CLVS1: variants seen among roughly 807,000 people sequenced by gnomAD.
The protein encoded by CLVS1 is clavesin 1.
In CLVS1, 10 loss-of-function variants were observed where a neutral mutation model predicts 33.1. That is an observed-to-expected ratio of 0.30 (90% CI 0.19 to 0.51). The LOEUF (loss-of-function observed/expected upper bound fraction) is 0.51, where lower values mean the gene tolerates loss of function less well. Among genes scored for constraint, CLVS1 ranks in the 20% least tolerant of loss-of-function variants. The pLI is 0.97. For missense variants in CLVS1, 343 were observed against 433.4 expected (o/e 0.79, Z 1.85); for synonymous variants, 163 against 166.1 (o/e 0.98, Z 0.14).
intron 3 of CLVS1, among the ~76,000 whole-genome samples, chr8:61,401,914 A>G (rs540345936): frequency 5.3e-5 from 8 of 152,238 alleles, no homozygotes; most frequent in African/African-American, 1.4e-4. Context: ...ATGTATTCTC[A>G]TAACATAATG....
At chr8:61,072,794 T>C (rs1804822801) in intron 1 of CLVS1, among the ~76,000 whole-genome samples, 3 of 152,214 alleles carry the variant, frequency 2.0e-5, no homozygotes, top group Admixed American at 2.0e-4. Flanking sequence ...ATATGTTTGC[T>C]AGAGAACAAA....
intron 2 of CLVS1, among the ~76,000 whole-genome samples, chr8:61,140,024 C>T (rs1806277818): frequency 6.6e-6 from 1 of 152,114 alleles, no homozygotes; most frequent in African/African-American, 2.4e-5. Flanking sequence ...AGCCGAGGTG[C>T]GTCTCCGCCA....
chr8:61,029,855 T>C, the CLVS1 span, among the ~76,000 whole-genome samples: 1 of 152,220 alleles, frequency 6.6e-6, no homozygotes, highest in African/African-American at 2.4e-5. Flanking sequence ...TGGGTGGCTT[T>C]AGTTCCTGCT....
At chr8:61,213,991 T>A (rs1331948184) in intron 2 of CLVS1, among the ~76,000 whole-genome samples, 2 of 152,134 alleles carry the variant, frequency 1.3e-5, no homozygotes, top group Admixed American at 6.5e-5. Context: ...CCACTCAAGG[T>A]GTGCCCGTCT....
At chr8:61,333,455 A>G (rs1214854193) in intron 2 of CLVS1, among the ~76,000 whole-genome samples, 1 of 152,198 alleles carries the variant, frequency 6.6e-6, no homozygotes, top group African/African-American at 2.4e-5. Flanking sequence ...ATAAAACAGA[A>G]AGAAAAGTCT....
intron 2 of CLVS1, among the ~76,000 whole-genome samples, chr8:61,375,474 C>T (rs1813607491): frequency 6.6e-6 from 1 of 152,190 alleles, no homozygotes; most frequent in South Asian, 2.1e-4. Flanking sequence ...TGGTCTCAAT[C>T]TCCTGACATC....
intron 2 of CLVS1, among the ~76,000 whole-genome samples, chr8:61,165,524 T>A (rs1161942981): frequency 6.6e-6 from 1 of 152,206 alleles, no homozygotes; most frequent in Non-Finnish European, 1.5e-5. Context: ...AGCTCTCTGA[T>A]TGGTTGGGTG....
intron 5 of CLVS1, among the ~76,000 whole-genome samples, chr8:61,472,524 TAA>T (rs952899223): frequency 1.3e-5 from 2 of 152,228 alleles, no homozygotes; most frequent in Non-Finnish European, 2.9e-5. Flanking sequence ...CATAAAGGAA[TAA>T]GACATGGTCT....
chr8:61,038,406 T>C, the CLVS1 span, among the ~76,000 whole-genome samples: 1 of 150,774 alleles, frequency 6.6e-6, no homozygotes, highest in Admixed American at 6.6e-5. Context: ...TGAAATGTGC[T>C]CTAAAGCTTA....
At chr8:61,391,247 G>A (rs758683507) in intron 3 of CLVS1, 4 of 152,186 alleles carry the variant, frequency 2.6e-5, no homozygotes, top group Non-Finnish European at 4.4e-5. Flanking sequence ...TGAGTAATGC[G>A]AATTTGCAGA....
intron 1 of CLVS1, among the ~76,000 whole-genome samples, chr8:61,059,475 C>CATACATACATATATATATATATATATAT (rs59538219): frequency 1.0e-4 from 5 of 50,200 alleles, no homozygotes; most frequent in East Asian, 1.2e-3. Context: ...TACATACATA[C>CATACATACATATATATATATATATATAT]ATATATATAT....
At chr8:61,013,169 G>A in the CLVS1 span, among the ~76,000 whole-genome samples, 1 of 152,120 alleles carries the variant, frequency 6.6e-6, no homozygotes, top group African/African-American at 2.4e-5. Context: ...GGTCCTTCCT[G>A]GCCATTCGGT....
the CLVS1 span, among the ~76,000 whole-genome samples, chr8:61,002,586 C>A: frequency 1.3e-5 from 2 of 152,024 alleles, no homozygotes; most frequent in African/African-American, 2.4e-5. Context: ...CCTGCCTCGG[C>A]CTCCCAAACT....
intron 1 of CLVS1, among the ~76,000 whole-genome samples, chr8:61,065,469 C>T (rs1804660382): frequency 6.6e-6 from 1 of 152,036 alleles, no homozygotes; most frequent in Non-Finnish European, 1.5e-5. Context: ...CTGCTGTAAC[C>T]CACATAAAAG....
intron 1 of CLVS1, among the ~76,000 whole-genome samples, chr8:61,099,669 G>A (rs1805414459): frequency 6.6e-6 from 1 of 152,188 alleles, no homozygotes; most frequent in Non-Finnish European, 1.5e-5. Context: ...GAATGAGAGA[G>A]TTTGGCGAGC....
chr8:61,483,340 A>C (rs1803740688), intron 5 of CLVS1, among the ~76,000 whole-genome samples: 1 of 152,268 alleles, frequency 6.6e-6, no homozygotes, highest in Non-Finnish European at 1.5e-5. Context: ...TAGAAAATCT[A>C]GAAGAAATGG....
At chr8:61,016,137 TTCAGGC>T in the CLVS1 span, among the ~76,000 whole-genome samples, 308 of 152,350 alleles carry the variant, frequency 2.0e-3, no homozygotes, top group Non-Finnish European at 2.7e-3. Flanking sequence ...TAAAATTACC[TTCAGGC>T]TATGTGTATA....
At chr8:61,043,809 A>C in the CLVS1 span, among the ~76,000 whole-genome samples, 8 of 152,262 alleles carry the variant, frequency 5.3e-5, no homozygotes, top group East Asian at 1.5e-3. Flanking sequence ...GTGGGAGGTA[A>C]ACTTGCCAAA....
intron 1 of CLVS1, among the ~76,000 whole-genome samples, chr8:61,102,366 T>TA (rs892075299): frequency 1.3e-5 from 2 of 152,074 alleles, no homozygotes; most frequent in African/African-American, 2.4e-5. Context: ...TATGCAATTG[T>TA]AAAAAAAATT....
Sources: gnomAD v4.1 joint callset for allele counts (sites outside exome capture counted in the v4.1 genomes callset) on GRCh38, gnomAD v4.1.1 for gene constraint, MANE v1.5 for transcripts, NCBI Gene and HGNC (gene_info 2026-07-23, HGNC 2026-07-21) for gene names.